Variants in IL22 observed in about 807,000 individuals in gnomAD.
The protein encoded by IL22 is interleukin 22, also known as interleukin-22.
In IL22, 15 loss-of-function variants were observed where a neutral mutation model predicts 15.5. The ratio of observed to expected loss-of-function variants is 0.97; its 90% CI spans 0.65 to 1.49. The LOEUF is 1.49. Among genes scored for constraint, IL22 ranks in the 40% most tolerant of loss-of-function variants. IL22 has a pLI of 0.00. For synonymous variants in IL22, 91 were observed against 82.0 expected (o/e 1.11, Z -0.60); for missense variants, 225 against 215.4 (o/e 1.04, Z -0.28).
chr12:68,248,629 G>A lies in IL22; in HGVS notation c.*170C>T. 1 of 588,770 alleles carries A rather than the reference G, an allele frequency of 1.7e-6. No individual in the cohort carries two copies. Among genetic ancestry groups the A allele is most frequent in the Non-Finnish European group, 3.0e-6 (1 of 331,948 alleles). The allele number at this position is 588,770 out of a possible 1,614,324, so 36.5% of individuals were successfully genotyped here. On this transcript the variant is annotated 3_prime_UTR_variant, in exon 6 of 6. Transcript: ENST00000538666. ...ACCTTCTGGTCTTATAAACAAAAGT[G>A]GCATTGGTTTCCTTTGTAACTAACG...
At chr12:68,251,643 C>T in intron 4 of IL22, 65 bp from the exon 5 acceptor site, 1 of 1,141,854 alleles carries the variant, frequency 8.8e-7, no homozygotes, top group Non-Finnish European at 1.3e-6. Context: ...CCTCCACACC[C>T]ATGGAGGTAC....
intron 4 of IL22, among the ~76,000 whole-genome samples, chr12:68,252,096 A>G (rs745993752): frequency 2.0e-5 from 3 of 152,034 alleles, no homozygotes; most frequent in African/African-American, 4.8e-5. Context: ...CCGACCCACC[A>G]CCGACTTTAA....
At chr12:68,249,076 C>T (rs962481713) in intron 5 of IL22, among the ~76,000 whole-genome samples, 200 bp from the exon 6 acceptor site, 2 of 152,126 alleles carry the variant, frequency 1.3e-5, no homozygotes, top group African/African-American at 4.8e-5. Context: ...TGAGAGGCCA[C>T]CAGCAGGCAT....
At chr12:68,252,720 C>T in intron 3 of IL22, 44 bp downstream of exon 3, 1 of 1,611,252 alleles carries the variant, frequency 6.2e-7, no homozygotes, top group Non-Finnish European at 8.5e-7. Context: ...ACCCCAAGTA[C>T]CCATGGACGG....
chr12:68,252,696 C>T (rs755728949), intron 3 of IL22, 49 bp from the exon 4 acceptor site: 1 of 1,613,056 alleles, frequency 6.2e-7, no homozygotes, highest in Admixed American at 1.7e-5. Context: ...AAGACCTAAA[C>T]CATCATCACC....
chr12:68,250,281 T>C (rs868805327), intron 5 of IL22, among the ~76,000 whole-genome samples: 8 of 152,180 alleles, frequency 5.3e-5, no homozygotes, highest in East Asian at 1.9e-4. Flanking sequence ...CAAGATGAAA[T>C]CAGTAATTTT....
Position 68,252,616 on chromosome 12 carries a change from AC to A in IL22, c.283del (p.Val95CysfsTer2). On this transcript the variant is annotated frameshift_variant, in exon 4 of 6. Transcript: ENST00000538666. LOFTEE classifies it high-confidence loss of function. ...MSERCYLMKQ[V>X]LNFTLEEVLF... Reference sequence around the variant, plus strand: ...CACTTCTTCAAGGGTGAAGTTCAGCACCTGCTTCATCAGATAGCAGCGCTCA... The same window carrying A: ...CACTTCTTCAAGGGTGAAGTTCAGCACTGCTTCATCAGATAGCAGCGCTCA... 6.2e-7 allele frequency: 1 copy of A among 1,614,056 alleles called. No individual in the cohort carries two copies.
rs1438691184 is a variant in IL22, at chr12:68,252,570, C to A, written c.330G>T (p.Arg110Ser). The change falls in exon 4 of 6, where the codon AGG (arginine) becomes AGT (serine). Residue 110 changes from arginine (R) to serine (S), a missense_variant. Physicochemically the swap from Arg to Ser is moderately radical, Grantham distance 110 (BLOSUM62 -1). Transcript: ENST00000538666. Reference protein sequence around the residue: ...LEEVLFPQSDRFQPYMQEVVP... With the variant: ...LEEVLFPQSDSFQPYMQEVVP... ...CCACCTCCTGCATATAAGGCTGGAA[C>A]CTATCAGATTGAGGGAACAGCACTT... is the stretch of plus-strand genomic sequence containing the variant. 15 of 1,613,858 alleles carry A rather than the reference C, an allele frequency of 9.3e-6. No homozygotes were observed. Among genetic ancestry groups the A allele is most frequent in the Admixed American group, 3.3e-5 (2 of 59,980 alleles).
intron 5 of IL22, among the ~76,000 whole-genome samples, chr12:68,249,431 CAATT>C (rs1869850556): frequency 6.6e-6 from 1 of 152,182 alleles, no homozygotes; most frequent in African/African-American, 2.4e-5. Context: ...TGTACCAAGA[CAATT>C]CTTTCAAGGT....
At position 68,253,353 on chromosome 12, in the gene IL22, T is replaced by C; in HGVS notation, c.96A>G (p.Ala32=). The part of the protein sequence containing the change: ...LLLALLVQGG[A]AAPISSHCRL... ...TGCAGTGGGAGCTGATGGGCGCAGCTGCTCCTCCCTGTACCAAGAGGGCCA... is the reference window on the plus strand; with the variant it reads ...TGCAGTGGGAGCTGATGGGCGCAGCCGCTCCTCCCTGTACCAAGAGGGCCA... The change falls in exon 2 of 6, where the codon GCA becomes GCG. Residue 32 remains alanine (A), a synonymous_variant. Transcript: ENST00000538666. 1 of 1,613,780 alleles carries C rather than the reference T, an allele frequency of 6.2e-7. No individual in the cohort carries two copies. The highest frequency in any genetic ancestry group is 8.5e-7 in the Non-Finnish European group (1 of 1,179,768).
rs1555191524 is a variant in IL22 at position 68,248,893 on chromosome 12, G to A, written c.463-17C>T. ...CTCTCCAAGCTGTGAAAATAAGAATGCAAAAGTATTTGAGCATTTATGCCA... is the reference window on the plus strand; with the variant it reads ...CTCTCCAAGCTGTGAAAATAAGAATACAAAAGTATTTGAGCATTTATGCCA... On this transcript the variant is annotated splice_polypyrimidine_tract_variant and intron_variant, in intron 5 of 5. Transcript: ENST00000538666. 8 of 1,598,294 alleles carry A rather than the reference G, an allele frequency of 5.0e-6. No homozygotes were observed. The South Asian group carries it at 5.5e-5, about 11-fold the overall frequency.
intron 5 of IL22, among the ~76,000 whole-genome samples, chr12:68,250,945 G>T (rs1403794563): frequency 6.6e-6 from 1 of 152,126 alleles, no homozygotes; most frequent in Non-Finnish European, 1.5e-5. Flanking sequence ...TAGATATTAT[G>T]ATAATTCAAA....
intron 5 of IL22, among the ~76,000 whole-genome samples, chr12:68,249,852 C>T (rs1490442249): frequency 1.3e-5 from 2 of 152,162 alleles, no homozygotes; most frequent in Admixed American, 6.5e-5. Context: ...CTTTCTTCCG[C>T]CCTTTCACCT....
At chr12:68,251,947 C>T (rs952720422) in intron 4 of IL22, among the ~76,000 whole-genome samples, 2 of 151,978 alleles carry the variant, frequency 1.3e-5, no homozygotes, top group African/African-American at 4.8e-5. Flanking sequence ...AAAATTAAGC[C>T]CTCTTCAGTA....
chr12:68,252,454 G>A (rs193141507), intron 4 of IL22, 50 bp downstream of exon 4: 1 of 1,598,082 alleles, frequency 6.3e-7, no homozygotes, highest in South Asian at 1.1e-5. Flanking sequence ...GGGTCTCTGT[G>A]GAAGGAGGGA....
Position 68,253,543 on chromosome 12 carries a change from T to G in IL22, c.-47+40A>C, listed in dbSNP as rs143796740. 2.7e-4 allele frequency: 261 copies of G among 952,466 alleles called. 2 individuals carry two copies. The African/African-American group carries it at 3.9e-3, about 14-fold the overall frequency. The allele number at this position is 952,466 out of a possible 1,614,324, so 59.0% of individuals were successfully genotyped here. A position where few individuals can be genotyped will look rare whatever the true frequency, so the allele number is the denominator to read the frequency against. On this transcript the variant is annotated intron_variant, in intron 1 of 5. Coordinates refer to ENST00000538666, the MANE Select transcript of IL22 (RefSeq NM_020525.5). ...ACAAAATTAGTCAAGAAGTATTTCA[T>G]CAAACTAACCAATTGTACCAAGTTT...
At chr12:68,249,877 T>G (rs139391286) in intron 5 of IL22, among the ~76,000 whole-genome samples, 1 of 152,324 alleles carries the variant, frequency 6.6e-6, no homozygotes, top group African/African-American at 2.4e-5. Flanking sequence ...ATACTTCTTT[T>G]GACATAAGGC....
At position 68,251,497 on chromosome 12, in the gene IL22, C is replaced by G. The variant is rs755172542; in HGVS notation, c.462+16G>C. On this transcript the variant is annotated intron_variant, in intron 5 of 5. Transcript: ENST00000538666. The stretch of plus-strand genomic sequence containing the variant: ...CTCCTATTGCATGACTTAGCATTGA[C>G]AGTTATCAGTCCTACCTTTTTCACT... The G allele has an allele frequency of 6.3e-7, 1 of 1,575,560 alleles. No homozygotes were observed. The highest frequency in any genetic ancestry group is 1.1e-5 in the South Asian group (1 of 90,250).
intron 4 of IL22, 132 bp downstream of exon 4, chr12:68,252,372 A>G (rs1217627649): frequency 1.3e-5 from 11 of 868,430 alleles, no homozygotes; most frequent in Admixed American, 1.2e-4. Flanking sequence ...ATGACTCCTG[A>G]TAACACTGCT....
Sources: gnomAD v4.1 joint callset for allele counts (sites outside exome capture counted in the v4.1 genomes callset) on GRCh38, gnomAD v4.1.1 for gene constraint, MANE v1.5 for transcripts, NCBI Gene and HGNC (gene_info 2026-07-23, HGNC 2026-07-21) for gene names.